Variants in SLC28A1 observed in about 807,000 individuals in gnomAD.
SLC28A1 encodes the protein sodium/nucleoside cotransporter 1.
SLC28A1 carries 64 observed loss-of-function variants against 74.8 expected under a neutral mutation model. The ratio of observed to expected loss-of-function variants is 0.86; its 90% CI spans 0.70 to 1.05. SLC28A1 has a LOEUF of 1.05. Ranked by LOEUF, SLC28A1 falls within the 50% of genes least tolerant of loss-of-function variation. The pLI, the probability that SLC28A1 is intolerant of heterozygous loss-of-function variation, is 0.00. For missense variants in SLC28A1, 828 were observed against 822.8 expected, an observed-to-expected ratio of 1.01 and a Z score of -0.08; for synonymous variants, 359 against 335.0, an observed-to-expected ratio of 1.07 and a Z score of -0.78.
intron 7 of SLC28A1, 139 bp from the exon 8 acceptor site, chr15:84,905,400 A>T: frequency 1.5e-6 from 1 of 686,402 alleles, no homozygotes; most frequent in East Asian, 2.7e-5. Flanking sequence ...GGGTGTGACC[A>T]CTGGCAACAG....
intron 6 of SLC28A1, among the ~76,000 whole-genome samples, chr15:84,896,947 T>C (rs1966062402): frequency 6.6e-6 from 1 of 152,160 alleles, no homozygotes. Flanking sequence ...AGAGAGTTGA[T>C]TAGTGACTGC....
At chr15:84,961,450 G>A in the SLC28A1 span, 1 of 450,418 alleles carries the variant, frequency 2.2e-6, no homozygotes, top group Non-Finnish European at 4.4e-6. Context: ...TCCTACCTCA[G>A]TCTCCCAAGC....
At chr15:84,928,095 C>T (rs1025391321) in intron 12 of SLC28A1, among the ~76,000 whole-genome samples, 2 of 152,204 alleles carry the variant, frequency 1.3e-5, no homozygotes, top group Admixed American at 1.3e-4. Context: ...TCTTTTCTTC[C>T]CTTTCTCAGG....
intron 9 of SLC28A1, among the ~76,000 whole-genome samples, chr15:84,910,588 T>C (rs1179521935): frequency 3.3e-5 from 5 of 151,978 alleles, no homozygotes; most frequent in Admixed American, 6.6e-5. Flanking sequence ...ATTAGCCAAG[T>C]GTGGTGGTGC....
At chr15:84,939,969 G>A (rs1972451869) in intron 15 of SLC28A1, among the ~76,000 whole-genome samples, 1 of 152,012 alleles carries the variant, frequency 6.6e-6, no homozygotes, top group Non-Finnish European at 1.5e-5. Flanking sequence ...GATTACAGAC[G>A]TGTGCCACCA....
chr15:84,911,360 T>C (rs929936693), intron 9 of SLC28A1, among the ~76,000 whole-genome samples: 2 of 152,190 alleles, frequency 1.3e-5, no homozygotes, highest in South Asian at 2.1e-4. Context: ...CCTTTTGTAT[T>C]ACTGATGGTC....
At position 84,920,463 on chromosome 15, in the gene SLC28A1, A is replaced by G. The variant is rs202017396; in HGVS notation, c.877-526A>G. Among the ~76,000 whole-genome samples, 117 of 141,630 alleles carry G rather than the reference A, an allele frequency of 8.3e-4. 1 individual carries two copies. The highest frequency in any genetic ancestry group is 2.2e-3 in the Admixed American group (30 of 13,632). 92.9% of individuals were successfully genotyped at this position (141,630 alleles called of 152,430 possible). ...TCTGTCTTGGAAAGGAAAGGAAAGGAAAGGGGAAGGGGAAGGGGAAGGGGA... is the reference window on the plus strand; with the variant it reads ...TCTGTCTTGGAAAGGAAAGGAAAGGGAAGGGGAAGGGGAAGGGGAAGGGGA... On this transcript the variant is annotated intron_variant, in intron 10 of 18. Transcript: ENST00000394573.
At chr15:84,946,110 A>AT (rs1382844934), downstream of SLC28A1, among the ~76,000 whole-genome samples, 3 of 9,594 alleles carry the variant, frequency 3.1e-4, no homozygotes, top group African/African-American at 8.8e-4. Flanking sequence ...ATATATATAT[A>AT]TATTTTTTTT....
chr15:84,889,744 C>T (rs1965120228), intron 4 of SLC28A1, among the ~76,000 whole-genome samples: 12 of 81,594 alleles, frequency 1.5e-4, no homozygotes, highest in Admixed American at 1.4e-3. Flanking sequence ...TTCCTTCCTT[C>T]CTTCCTTCCT....
chr15:84,900,790 G>A (rs1966591028), intron 6 of SLC28A1, among the ~76,000 whole-genome samples: 1 of 151,878 alleles, frequency 6.6e-6, no homozygotes, highest in Non-Finnish European at 1.5e-5. Flanking sequence ...ACTCCAGCCT[G>A]GGCAACAAAG....
intron 12 of SLC28A1, among the ~76,000 whole-genome samples, chr15:84,926,273 A>G (rs1321354014): frequency 6.6e-6 from 1 of 151,824 alleles, no homozygotes; most frequent in African/African-American, 2.4e-5. Flanking sequence ...ATTACAGCTC[A>G]CCATAGCCTC....
Position 84,935,415 on chromosome 15 carries a change from T to C in SLC28A1, c.1478T>C (p.Leu493Pro). Residue 493 changes from leucine (L) to proline (P), a missense_variant, in exon 15 of 19, where the codon CTG becomes CCG. Physicochemically the swap from Leu to Pro is moderately conservative, Grantham distance 98. Around this residue, in one of 3 missense-constraint regions of SLC28A1, gnomAD observed 767 missense variants for 753.5 expected, o/e 1.02. Coordinates refer to ENST00000394573, the MANE Select transcript of SLC28A1 (RefSeq NM_004213.5). ...PVVAELLGIK[L>P]FLNEFVAYQD... ...GTAGCTGAGCTGCTGGGGATCAAGC[T>C]GTTTCTGAACGAGTTTGTGGCCTAT... is the stretch of plus-strand genomic sequence containing the variant. 6.2e-7 allele frequency: 1 copy of C among 1,614,226 alleles called. No individual in the cohort carries two copies.
chr15:84,941,708 C>A (rs975317400), intron 15 of SLC28A1, among the ~76,000 whole-genome samples: 2 of 151,844 alleles, frequency 1.3e-5, no homozygotes, highest in Admixed American at 1.3e-4. Context: ...ACATGGCAAA[C>A]AGGAAATAGA....
At chr15:84,898,556 G>A (rs1253414223) in intron 6 of SLC28A1, among the ~76,000 whole-genome samples, 1 of 148,150 alleles carries the variant, frequency 6.7e-6, no homozygotes, top group African/African-American at 2.5e-5. Flanking sequence ...TCCAGCCTGG[G>A]CGACAGAGCA....
chr15:84,975,249 C>T, the SLC28A1 span, among the ~76,000 whole-genome samples: 2 of 152,200 alleles, frequency 1.3e-5, no homozygotes, highest in Admixed American at 6.5e-5. Flanking sequence ...TACTTCAAAT[C>T]TGGCCACTTT....
the SLC28A1 span, chr15:84,975,480 C>G: frequency 2.2e-6 from 1 of 456,150 alleles, no homozygotes; most frequent in Non-Finnish European, 4.4e-6. Flanking sequence ...TAGTTATGTT[C>G]CAGTAACGTG....
intron 9 of SLC28A1, among the ~76,000 whole-genome samples, chr15:84,911,105 G>A (rs917779608): frequency 2.6e-5 from 4 of 152,226 alleles, no homozygotes; most frequent in Non-Finnish European, 5.9e-5. Flanking sequence ...GGCGGGCCAC[G>A]CAGCTGCTGT....
chr15:84,965,421 G>A, the SLC28A1 span, among the ~76,000 whole-genome samples: 1 of 152,036 alleles, frequency 6.6e-6, no homozygotes, highest in Admixed American at 6.5e-5. Context: ...GTTTTTTGGT[G>A]GCAATACATG....
At chr15:84,921,803 T>C (rs961312334) in intron 11 of SLC28A1, among the ~76,000 whole-genome samples, 1 of 152,250 alleles carries the variant, frequency 6.6e-6, no homozygotes, top group Non-Finnish European at 1.5e-5. Flanking sequence ...CCGATGAAGA[T>C]AGACGTGCTC....
Sources: allele counts gnomAD v4.1 joint callset (sites outside exome capture counted in the v4.1 genomes callset), GRCh38; gene constraint gnomAD v4.1.1; regional missense constraint gnomAD v4.1.1; transcripts MANE v1.5; gene names NCBI Gene and HGNC (gene_info 2026-07-23, HGNC 2026-07-21).